LPAR1: variants seen among roughly 807,000 people sequenced by gnomAD.
LPAR1 encodes the protein lysophosphatidic acid receptor 1.
Under a neutral mutation model 23.8 loss-of-function variants are expected in LPAR1, and 5 were observed. The ratio of observed to expected loss-of-function variants is 0.21; its 90% CI spans 0.11 to 0.44. LPAR1 has a LOEUF of 0.44. Among genes scored for constraint, LPAR1 ranks in the 20% least tolerant of loss-of-function variants. The pLI is 0.99. For missense variants in LPAR1, 311 were observed against 482.8 expected (o/e 0.64, Z 3.33); for synonymous variants, 160 against 164.7 (o/e 0.97, Z 0.22).
intron 2 of LPAR1, among the ~76,000 whole-genome samples, chr9:110,981,310 T>A (rs1053543626): frequency 3.9e-5 from 6 of 152,072 alleles, no homozygotes; most frequent in Non-Finnish European, 8.8e-5. Context: ...TAGGTTCAAA[T>A]CCTTGTCCTG....
intron 5 of LPAR1, among the ~76,000 whole-genome samples, chr9:110,884,817 T>C (rs924627901): frequency 2.6e-5 from 4 of 152,246 alleles, no homozygotes; most frequent in Admixed American, 2.0e-4. Context: ...TTTCTGTTCA[T>C]CTGAGACTTC....
At chr9:111,025,156 A>T (rs556779452) in intron 2 of LPAR1, among the ~76,000 whole-genome samples, 2 of 152,158 alleles carry the variant, frequency 1.3e-5, no homozygotes, top group South Asian at 4.2e-4. Flanking sequence ...ACTAATTTAC[A>T]CTCCCACCAA....
At chr9:111,022,121 T>G (rs1206347416) in intron 2 of LPAR1, among the ~76,000 whole-genome samples, 6 of 152,158 alleles carry the variant, frequency 3.9e-5, no homozygotes, top group Non-Finnish European at 8.8e-5. Context: ...TGCAAATACC[T>G]GGAGTTCTCC....
At chr9:110,950,296 C>A (rs2095528458) in intron 4 of LPAR1, among the ~76,000 whole-genome samples, 2 of 151,832 alleles carry the variant, frequency 1.3e-5, no homozygotes, top group Admixed American at 6.6e-5. Context: ...CCCATCTCTA[C>A]TATAATAAAA....
intron 2 of LPAR1, among the ~76,000 whole-genome samples, chr9:111,017,368 T>C (rs1404375005): frequency 2.0e-5 from 3 of 152,206 alleles, no homozygotes; most frequent in African/African-American, 7.2e-5. Flanking sequence ...CTGAGTTTTT[T>C]GAAGGTGGGC....
chr9:110,931,927 T>C (rs1333668146), intron 5 of LPAR1, among the ~76,000 whole-genome samples: 2 of 152,128 alleles, frequency 1.3e-5, no homozygotes, highest in Non-Finnish European at 2.9e-5. Flanking sequence ...TACTGTAGCC[T>C]TGTAGTATAG....
intron 5 of LPAR1, among the ~76,000 whole-genome samples, chr9:110,919,471 C>G (rs1342843338): frequency 6.6e-6 from 1 of 152,154 alleles, no homozygotes; most frequent in Non-Finnish European, 1.5e-5. Context: ...CCTACAGAGA[C>G]TGAGAGATAA....
intron 5 of LPAR1, among the ~76,000 whole-genome samples, chr9:110,896,082 C>T (rs2086241324): frequency 6.6e-6 from 1 of 152,170 alleles, no homozygotes; most frequent in African/African-American, 2.4e-5. Flanking sequence ...CAGTAAAGTG[C>T]TCGCTTCCAG....
chr9:110,998,243 C>T (rs930357309), intron 2 of LPAR1, among the ~76,000 whole-genome samples: 1 of 152,128 alleles, frequency 6.6e-6, no homozygotes, highest in African/African-American at 2.4e-5. Flanking sequence ...AGACTAAAGT[C>T]TCTGATAAGT....
chr9:110,998,106 G>C (rs954306778), intron 2 of LPAR1, among the ~76,000 whole-genome samples: 1 of 152,188 alleles, frequency 6.6e-6, no homozygotes, highest in African/African-American at 2.4e-5. Context: ...ATCTCCAAGT[G>C]ATGCTGGTGC....
Position 110,890,502 on chromosome 9 carries a change from G to T in LPAR1, c.794-14780C>A, listed in dbSNP as rs1390897205. On this transcript the variant is annotated intron_variant, in intron 5 of 5. Transcript: ENST00000683809. ...CAAATCTCCCCCCCACAAAACTACA[G>T]ATTAGTTTTTCTCAGTGGGATTGGA... is the stretch of plus-strand genomic sequence containing the variant. Among the ~76,000 whole-genome samples, 3 of 152,236 alleles carry T rather than the reference G, an allele frequency of 2.0e-5. No homozygotes were observed. In the East Asian group the frequency reaches 5.8e-4, roughly 29 times the overall value.
intron 2 of LPAR1, among the ~76,000 whole-genome samples, chr9:110,994,304 A>G (rs1361854618): frequency 6.6e-6 from 1 of 152,238 alleles, no homozygotes; most frequent in Non-Finnish European, 1.5e-5. Context: ...GTTAGAAACT[A>G]TTCCATAATA....
At position 110,964,490 on chromosome 9, in the gene LPAR1, A is replaced by G. The variant is rs1170926251; in HGVS notation, c.45+7583T>C. 4.6e-5 allele frequency among the ~76,000 whole-genome samples: 7 copies of G among 152,228 alleles called. 1 individual carries two copies. The highest frequency in any genetic ancestry group is 1.0e-4 in the Non-Finnish European group (7 of 68,038). On this transcript the variant is annotated intron_variant, in intron 4 of 5. Coordinates refer to ENST00000683809, the MANE Select transcript of LPAR1 (RefSeq NM_001351411.2). ...ACATAAGGGGATTTTTTAAAAGATG[A>G]CAATGCTAGGGATCCTAAAATACTT...
chr9:111,018,016 T>TA (rs985882540), intron 2 of LPAR1, among the ~76,000 whole-genome samples: 2 of 149,952 alleles, frequency 1.3e-5, no homozygotes, highest in African/African-American at 2.5e-5. Flanking sequence ...AGACTCTGTC[T>TA]AAAAAAAAAC....
chr9:110,940,462 G>A, intron 5 of LPAR1, among the ~76,000 whole-genome samples: 1 of 152,180 alleles, frequency 6.6e-6, no homozygotes, highest in East Asian at 1.9e-4. Flanking sequence ...TGGGGAAAGA[G>A]GAGGTGATAA....
chr9:110,956,845 T>C (rs2095774795), intron 4 of LPAR1, among the ~76,000 whole-genome samples: 1 of 152,128 alleles, frequency 6.6e-6, no homozygotes, highest in South Asian at 2.1e-4. Context: ...CACTGCCAAA[T>C]TCTACCAAAC....
chr9:111,023,650 G>A (rs1036776509), intron 2 of LPAR1, among the ~76,000 whole-genome samples: 1 of 152,080 alleles, frequency 6.6e-6, no homozygotes, highest in African/African-American at 2.4e-5. Flanking sequence ...ACAAATGGAT[G>A]TTGAAAAATG....
In LPAR1 at chr9:110,882,672, G is replaced by T. The variant is rs142911163; in HGVS notation, c.794-6950C>A. ...ATACATAATAAAAGTGCAAGCACAT[G>T]AATGAGAACAAGCAGCAGCAATTTC... On this transcript the variant is annotated intron_variant, in intron 5 of 5. Transcript: ENST00000683809. 1.9e-4 allele frequency among the ~76,000 whole-genome samples: 29 copies of T among 152,266 alleles called. No homozygotes were observed. The East Asian group carries it at 5.4e-3, about 28-fold the overall frequency.
rs554344693 is a variant in LPAR1, at chr9:111,031,754, G to A, written c.-182+4368C>T. ...AAGGCAGGGCTACAGATAAAACACA[G>A]CTATGTCTATCTCTAGACTTTAAAA... On this transcript the variant is annotated intron_variant, in intron 2 of 5. Transcript: ENST00000683809. Among the ~76,000 whole-genome samples, 54 of 152,266 alleles carry A rather than the reference G, an allele frequency of 3.5e-4. 1 individual carries two copies. The South Asian group carries it at 0.011, about 32-fold the overall frequency.
Sources: allele counts gnomAD v4.1 joint callset (sites outside exome capture counted in the v4.1 genomes callset), GRCh38; gene constraint gnomAD v4.1.1; transcripts MANE v1.5; gene names NCBI Gene and HGNC (gene_info 2026-07-23, HGNC 2026-07-21).